Variants in CAMK2B observed in about 807,000 individuals in gnomAD.
CAMK2B encodes calcium/calmodulin-dependent protein kinase type II subunit beta.
In CAMK2B, 27 loss-of-function variants were observed where a neutral mutation model predicts 93.7. The observed-to-expected ratio is 0.29, with a 90% confidence interval of 0.21 to 0.40. The LOEUF is 0.40. Among genes scored for constraint, CAMK2B ranks in the 10% least tolerant of loss-of-function variants. The pLI is 1.00. For missense variants in CAMK2B, 568 were observed against 895.8 expected (o/e 0.63, Z 4.67); for synonymous variants, 374 against 358.8 (o/e 1.04, Z -0.48).
chr7:44,218,461 C>T lies in CAMK2B; in HGVS notation c.*1064G>A, dbSNP rs2096362116. 6.6e-6 allele frequency: 1 copy of T among 152,306 alleles called. No individual in the cohort carries two copies. Among genetic ancestry groups the T allele is most frequent in the Non-Finnish European group, 1.5e-5 (1 of 68,084 alleles). 9.4% of individuals were successfully genotyped at this position (152,306 alleles called of 1,614,324 possible). ...GGGGGCTCAGGGACTTGAGCGAGGC[C>T]CGCAGTCCTTTGTCAAAAGTCTGCT... On this transcript the variant is annotated 3_prime_UTR_variant, in exon 24 of 24. Coordinates refer to ENST00000395749, the MANE Select transcript of CAMK2B (RefSeq NM_001220.5).
intron 20 of CAMK2B, among the ~76,000 whole-genome samples, chr7:44,221,458 C>T (rs757349594): frequency 6.7e-6 from 1 of 149,850 alleles, no homozygotes; most frequent in Non-Finnish European, 1.5e-5. Flanking sequence ...CAAGGCCACC[C>T]GGAGGCCGGG....
chr7:44,262,061 A>G (rs1385655297), intron 3 of CAMK2B, among the ~76,000 whole-genome samples: 1 of 152,168 alleles, frequency 6.6e-6, no homozygotes, highest in South Asian at 2.1e-4. Context: ...TGCCCAGCTC[A>G]TTGGTGAAGC....
intron 11 of CAMK2B, among the ~76,000 whole-genome samples, chr7:44,241,256 C>T (rs1394006925): frequency 6.6e-6 from 1 of 152,210 alleles, no homozygotes; most frequent in African/African-American, 2.4e-5. Context: ...AGGTTGGATA[C>T]CCTACTGGGA....
intron 22 of CAMK2B, 69 bp from the exon 23 acceptor site, chr7:44,220,363 C>A: frequency 1.6e-6 from 2 of 1,213,034 alleles, no homozygotes; most frequent in Non-Finnish European, 2.4e-6. Flanking sequence ...TTCCACCCCA[C>A]CAGCCTAATC....
At chr7:44,264,479 A>G (rs2096906714) in intron 2 of CAMK2B, among the ~76,000 whole-genome samples, 1 of 152,098 alleles carries the variant, frequency 6.6e-6, no homozygotes, top group South Asian at 2.1e-4. Flanking sequence ...CAGGACAGGC[A>G]TTCGTCTCCC....
chr7:44,265,473 C>G (rs1259702082), intron 2 of CAMK2B, among the ~76,000 whole-genome samples: 1 of 152,202 alleles, frequency 6.6e-6, no homozygotes, highest in Non-Finnish European at 1.5e-5. Flanking sequence ...AAAGGAGGAC[C>G]TAGGAGGGAG....
chr7:44,315,066 AG>A (rs1188417486), intron 1 of CAMK2B, among the ~76,000 whole-genome samples: 1 of 152,142 alleles, frequency 6.6e-6, no homozygotes, highest in Non-Finnish European at 1.5e-5. Context: ...TGAATACAAA[AG>A]TTTTCACTGT....
intron 19 of CAMK2B, among the ~76,000 whole-genome samples, chr7:44,227,735 T>TGGGGGGG (rs1562804923): frequency 2.5e-4 from 3 of 12,214 alleles, no homozygotes; most frequent in South Asian, 4.6e-3. Flanking sequence ...CAGAGGGGTA[T>TGGGGGGG]ATGGGGGACA....
chr7:44,321,078 G>A (rs1021964947), intron 1 of CAMK2B, among the ~76,000 whole-genome samples: 10 of 152,208 alleles, frequency 6.6e-5, no homozygotes, highest in Admixed American at 1.3e-4. Flanking sequence ...CAAGGCCCCC[G>A]AGGCAGGGAG....
intron 13 of CAMK2B, among the ~76,000 whole-genome samples, chr7:44,237,273 T>C (rs2096634880): frequency 6.6e-6 from 1 of 152,266 alleles, no homozygotes; most frequent in African/African-American, 2.4e-5. Flanking sequence ...ATTTAGATCC[T>C]TGAGTCTATC....
At chr7:44,325,283 G>C in intron 1 of CAMK2B, 74 bp downstream of exon 1, 1 of 868,424 alleles carries the variant, frequency 1.2e-6, no homozygotes, top group Non-Finnish European at 1.4e-6. Flanking sequence ...GCCTGGAGCC[G>C]GCGGCGCGGA....
At chr7:44,316,873 G>A (rs1310929438) in intron 1 of CAMK2B, among the ~76,000 whole-genome samples, 1 of 151,966 alleles carries the variant, frequency 6.6e-6, no homozygotes, top group Non-Finnish European at 1.5e-5. Context: ...TGTCATTCCT[G>A]ATTTTAGCAA....
At chr7:44,234,299 C>T in intron 15 of CAMK2B, 91 bp downstream of exon 15, 9 of 1,211,316 alleles carry the variant, frequency 7.4e-6, no homozygotes, top group Non-Finnish European at 1.0e-5. Context: ...GGGGCCAGAC[C>T]CCACCTTCAC....
intron 22 of CAMK2B, 82 bp from the exon 23 acceptor site, chr7:44,220,376 T>A: frequency 1.8e-6 from 2 of 1,138,384 alleles, no homozygotes; most frequent in Non-Finnish European, 2.6e-6. Context: ...GCCTAATCCT[T>A]TCCCTCTCTC....
chr7:44,284,001 A>G (rs1336552465), intron 2 of CAMK2B, 130 bp downstream of exon 2: 1 of 651,168 alleles, frequency 1.5e-6, no homozygotes, highest in Non-Finnish European at 2.7e-6. Flanking sequence ...CTGTGCATGG[A>G]GCCACAGGCA....
rs576368212 is a variant in CAMK2B at position 44,311,229 on chromosome 7, C to A, written c.65+14128G>T. Among the ~76,000 whole-genome samples, 3 of 152,282 alleles carry A rather than the reference C, an allele frequency of 2.0e-5. No individual in the cohort carries two copies. In the East Asian group the frequency reaches 5.8e-4, roughly 29 times the overall value. ...TAGCTGGGATTACAGGCACATGCCA[C>A]CACGCCTGGCACATTTTTGTATTTT... On this transcript the variant is annotated intron_variant, in intron 1 of 23. Coordinates refer to ENST00000395749, the MANE Select transcript of CAMK2B (RefSeq NM_001220.5). This position sits in a 1 kb window ranked among gnomAD's most constrained non-coding sequence, Gnocchi z 4.2.
At chr7:44,298,551 C>T (rs932676855) in intron 1 of CAMK2B, among the ~76,000 whole-genome samples, 1 of 152,110 alleles carries the variant, frequency 6.6e-6, no homozygotes, top group Admixed American at 6.6e-5. Flanking sequence ...TACCAAAATA[C>T]AAAATTTTTG....
intron 20 of CAMK2B, chr7:44,226,029 G>T (rs2096472427): frequency 9.9e-6 from 7 of 708,028 alleles, no homozygotes; most frequent in Admixed American, 3.3e-5. Flanking sequence ...CTGCCCCCCA[G>T]ATCCGCGCCT....
At chr7:44,266,188 G>A (rs1433679245) in intron 2 of CAMK2B, among the ~76,000 whole-genome samples, 2 of 152,144 alleles carry the variant, frequency 1.3e-5, no homozygotes, top group Non-Finnish European at 2.9e-5. Context: ...AATCTAAGCA[G>A]ATATAATGTG....
Sources: gnomAD v4.1 joint callset for allele counts (sites outside exome capture counted in the v4.1 genomes callset) on GRCh38, gnomAD v4.1.1 for gene constraint, Gnocchi (gnomAD v3.1) non-coding constraint, MANE v1.5 for transcripts, NCBI Gene and HGNC (gene_info 2026-07-23, HGNC 2026-07-21) for gene names.